Variants in SLC26A6 observed in about 807,000 individuals in gnomAD.
SLC26A6 encodes anion exchange transporter.
SLC26A6 carries 67 observed loss-of-function variants against 87.1 expected under a neutral mutation model. The observed-to-expected ratio is 0.77, with a 90% CI of 0.63 to 0.94. The LOEUF is 0.94. SLC26A6 is among the 40% of genes least tolerant of loss of function. SLC26A6 has a pLI of 0.00. For missense variants in SLC26A6, 902 were observed against 973.0 expected (o/e 0.93, Z 0.97); for synonymous variants, 414 against 405.9 (o/e 1.02, Z -0.24).
chr3:48,631,637 T>G lies in SLC26A6; in HGVS notation c.903+12A>C, dbSNP rs372649412. On this transcript the variant is annotated intron_variant, in intron 7 of 20. Transcript: ENST00000395550. ...CCCTTCTCCCCTGCCCTCCACTCCCTGGCCCTCGAACCGTGAGCAGCTCCC... is the reference window on the plus strand; with the variant it reads ...CCCTTCTCCCCTGCCCTCCACTCCCGGGCCCTCGAACCGTGAGCAGCTCCC... The G allele has an allele frequency of 1.5e-4, 234 of 1,611,214 alleles. No individual in the cohort carries two copies. In the African/African-American group the frequency reaches 3.0e-3, roughly 21 times the overall value.
chr3:48,626,451 T>G, intron 19 of SLC26A6, 97 bp from the exon 20 acceptor site: 1 of 1,570,990 alleles, frequency 6.4e-7, no homozygotes. Flanking sequence ...ACCCCTGACC[T>G]CCACCCCTGA....
rs764876496 is a variant in SLC26A6 at position 48,631,934 on chromosome 3, C to T, written c.696G>A (p.Lys232=). 1 of 1,613,534 alleles carries T rather than the reference C, an allele frequency of 6.2e-7. No homozygotes were observed. Among genetic ancestry groups the T allele is most frequent in the East Asian group, 2.2e-5 (1 of 44,880 alleles). ...AAVQVFVSQL[K]YVFGLHLSSH... is the part of the protein sequence containing the mutation. ...TGCTCAGATGGAGGCCAAACACATA[C>T]TTGAGCTGTGAGACGAAGACCTGCA... Residue 232 remains lysine, a synonymous_variant, in exon 6 of 21, where the codon AAG becomes AAA. Transcript: ENST00000395550.
chr3:48,626,654 T>A lies in SLC26A6; in HGVS notation c.2105A>T (p.Glu702Val). The change falls in exon 19 of 21, where the codon GAG becomes GTG. Residue 702 changes from glutamate (E) to valine (V), a missense_variant. Around this residue, in one of 3 missense-constraint regions of SLC26A6, gnomAD observed 99 missense variants for 100.1 expected, o/e 0.99. Coordinates refer to ENST00000395550, the MANE Select transcript of SLC26A6 (RefSeq NM_022911.3). Reference protein sequence around the residue: ...IFHDFREIEVEVYMAACHSPV... With the variant: ...IFHDFREIEVVVYMAACHSPV... ...ACTGTGGCAGGCCGCCATGTACACC[T>A]CCACCTCAATCTCCCGGAAGTCATG... 1 of 1,614,010 alleles carries A rather than the reference T, an allele frequency of 6.2e-7. No individual in the cohort carries two copies. Among genetic ancestry groups the A allele is most frequent in the Non-Finnish European group, 8.5e-7 (1 of 1,180,004 alleles).
In SLC26A6 at chr3:48,630,643, C is replaced by T. The variant is rs1287607812; in HGVS notation, c.1212G>A (p.Arg404=). The change falls in exon 10 of 21, where the codon CGG becomes CGA. Residue 404 remains arginine, a synonymous_variant. Coordinates refer to ENST00000395550, the MANE Select transcript of SLC26A6 (RefSeq NM_022911.3). ...QCFPVSCSMS[R]SLVQESTGGN... ...CCCCGGTGCTCTCCTGTACCAGGCT[C>T]CGAGACATAGAGCAACTCACGGGGA... 8.2e-6 allele frequency: 13 copies of T among 1,594,884 alleles called. No individual in the cohort carries two copies. Among genetic ancestry groups the T allele is most frequent in the East Asian group, 2.3e-5 (1 of 44,180 alleles).
chr3:48,635,181 G>A (rs1050924987), intron 1 of SLC26A6, among the ~76,000 whole-genome samples, 190 bp downstream of exon 1: 10 of 152,248 alleles, frequency 6.6e-5, no homozygotes, highest in African/African-American at 2.2e-4. Flanking sequence ...ACAGCCCAAG[G>A]GACTGGGGTC....
At position 48,626,288 on chromosome 3, in the gene SLC26A6, A is replaced by G. The variant is rs1161049159; in HGVS notation, c.2195T>C (p.Phe732Ser). 1.2e-6 allele frequency: 2 copies of G among 1,613,968 alleles called. No homozygotes were observed. Among genetic ancestry groups the G allele is most frequent in the East Asian group, 2.2e-5 (1 of 44,866 alleles). The change falls in exon 20 of 21, where the codon TTT (phenylalanine) becomes TCT (serine). Residue 732 changes from phenylalanine (F) to serine (S), a missense_variant. By Grantham distance (155) the Phe-to-Ser change is radical. Coordinates refer to ENST00000395550, the MANE Select transcript of SLC26A6 (RefSeq NM_022911.3). ...FDASITKKHL[F>S]ASVHDAVTFA... ...GGTGACAGCATCATGGACAGAGGCAAAGAGATGCTTCTTGGTGATGGATGC... is the reference window on the plus strand; with the variant it reads ...GGTGACAGCATCATGGACAGAGGCAGAGAGATGCTTCTTGGTGATGGATGC...
intron 1 of SLC26A6, chr3:48,634,659 AG>A: frequency 1.1e-6 from 1 of 909,064 alleles, no homozygotes; most frequent in Middle Eastern, 5.6e-4. Flanking sequence ...AGCTTTCACC[AG>A]TCAGGAAAGT....
Position 48,631,814 on chromosome 3 carries a change from C to T in SLC26A6, c.751-13G>A. The T allele has an allele frequency of 6.2e-7, 1 of 1,613,332 alleles. No individual in the cohort carries two copies. Among genetic ancestry groups the T allele is most frequent in the South Asian group, 1.1e-5 (1 of 91,076 alleles). ...CCTCCAGCACTGTCTGAGGAGAGGC[C>T]AGGTCACAGCTAGCACTCAAGGCCA... On this transcript the variant is annotated splice_polypyrimidine_tract_variant and intron_variant, in intron 6 of 20. Coordinates refer to ENST00000395550, the MANE Select transcript of SLC26A6 (RefSeq NM_022911.3).
rs1404749126 is a variant in SLC26A6, at chr3:48,630,437, C to A, written c.1326+1G>T. The A allele has an allele frequency of 1.3e-6, 2 of 1,555,234 alleles. No individual in the cohort carries two copies. Among genetic ancestry groups the A allele is most frequent in the South Asian group, 1.2e-5 (1 of 84,238 alleles). ...TGAAACCTGGCTGGGTGGGGGCTCA[C>A]CTTGGGCAGGTCATGGAAGAGTTCC... On this transcript the variant is annotated splice_donor_variant, in intron 11 of 20. Transcript: ENST00000395550. LOFTEE classifies it high-confidence loss of function.
chr3:48,628,116 C>T lies in SLC26A6; in HGVS notation c.1801-78G>A. On this transcript the variant is annotated intron_variant, in intron 16 of 20. Transcript: ENST00000395550. The surrounding 1 kb of genome is among the most constrained non-coding windows in gnomAD (Gnocchi z 4.4). ...GCCATGTCACATAGGCCTGGTGATG[C>T]CCCCTGGTGCTGGGCAGGTGGGTGG... The T allele has an allele frequency of 7.4e-7, 1 of 1,345,822 alleles. No individual in the cohort carries two copies. Among genetic ancestry groups the T allele is most frequent in the South Asian group, 1.4e-5 (1 of 70,366 alleles). The allele number at this position is 1,345,822 out of a possible 1,614,324, so 83.4% of individuals were successfully genotyped here. A position where few individuals can be genotyped will look rare whatever the true frequency, so the allele number is the denominator to read the frequency against.
chr3:48,626,264 G>C lies in SLC26A6; in HGVS notation c.2219C>G (p.Thr740Ser). The C allele has an allele frequency of 6.2e-7, 1 of 1,614,098 alleles. No homozygotes were observed. The highest frequency in any genetic ancestry group is 8.5e-7 in the Non-Finnish European group (1 of 1,180,016). Residue 740 changes from threonine to serine, a missense_variant, in exon 20 of 21, where the codon ACC becomes AGC. By Grantham distance (58) the Thr-to-Ser change is moderately conservative. This residue lies in a region of SLC26A6 where 99 missense variants were observed against 100.1 expected (regional missense o/e 0.99). Transcript: ENST00000395550. ...HLFASVHDAV[T>S]FALQHPRPVP... ...AGGCCTCGGGTGTTGGAGGGCAAAGGTGACAGCATCATGGACAGAGGCAAA... is the reference window on the plus strand; with the variant it reads ...AGGCCTCGGGTGTTGGAGGGCAAAGCTGACAGCATCATGGACAGAGGCAAA...
rs1559467925 is a variant in SLC26A6 at position 48,631,014 on chromosome 3, GCCGTGCCTCAGGGCGAAGATCTT to G, written c.1090_1112del (p.Lys364LeufsTer16). On this transcript the variant is annotated frameshift_variant, in exon 9 of 21. Transcript: ENST00000395550. LOFTEE classifies it high-confidence loss of function. Reference sequence around the variant, plus strand: ...AGACCTGGTTGCTGTCCACCCGGTAGCCGTGCCTCAGGGCGAAGATCTTCCCCAGTGAGATGGCAATGGCAAAC... The same window carrying G: ...AGACCTGGTTGCTGTCCACCCGGTAGCCCCAGTGAGATGGCAATGGCAAAC... The G allele has an allele frequency of 6.2e-7, 1 of 1,613,836 alleles. No individual in the cohort carries two copies. Among genetic ancestry groups the G allele is most frequent in the Non-Finnish European group, 8.5e-7 (1 of 1,180,034 alleles).
At chr3:48,631,431 G>A (rs1444022903) in intron 7 of SLC26A6, 125 bp from the exon 8 acceptor site, 8 of 1,192,704 alleles carry the variant, frequency 6.7e-6, no homozygotes, top group African/African-American at 6.2e-5. Flanking sequence ...AAAAAGTCAC[G>A]TAGGGTGAGA....
intron 5 of SLC26A6, 59 bp from the exon 6 acceptor site, chr3:48,632,103 G>A (rs757757019): frequency 4.5e-5 from 72 of 1,603,370 alleles, no homozygotes; most frequent in Non-Finnish European, 4.7e-5. Context: ...CTAATGAGGA[G>A]CGCAGGGCAA....
At position 48,632,906 on chromosome 3, in the gene SLC26A6, C is replaced by T. The variant is rs546435106; in HGVS notation, c.433+68G>A. On this transcript the variant is annotated intron_variant, in intron 4 of 20. Coordinates refer to ENST00000395550, the MANE Select transcript of SLC26A6 (RefSeq NM_022911.3). ...CCAGCCGCTCCTGCCCTGCTCAGTG[C>T]CCCCTCACCCTGCCCTCCATGATGG... 8 of 1,461,542 alleles carry T rather than the reference C, an allele frequency of 5.5e-6. No individual in the cohort carries two copies. In the South Asian group the frequency reaches 5.9e-5, roughly 11 times the overall value. 90.5% of individuals were successfully genotyped at this position (1,461,542 alleles called of 1,614,324 possible).
intron 1 of SLC26A6, chr3:48,634,690 T>C (rs1231456956): frequency 1.0e-6 from 1 of 983,784 alleles, no homozygotes; most frequent in East Asian, 1.1e-4. Flanking sequence ...GGAAAAGCCC[T>C]GACCTGGGGA....
In SLC26A6 at chr3:48,627,971, T is replaced by C. The variant is rs575812571; in HGVS notation, c.1868A>G (p.Asn623Ser). The change falls in exon 17 of 21, where the codon AAC becomes AGC. Residue 623 changes from asparagine to serine, a missense_variant. This residue lies in a region of SLC26A6 where 800 missense variants were observed against 856.8 expected (regional missense o/e 0.93). Coordinates refer to ENST00000395550, the MANE Select transcript of SLC26A6 (RefSeq NM_022911.3). The part of the protein sequence containing the change: ...VNTSLEDMRS[N>S]NVEDCKMMQV... ...CATCATCTTGCAGTCCTCAACGTTG[T>C]TGCTCCTCATGTCTTCAAGGCTGGT... 4.4e-6 allele frequency: 7 copies of C among 1,594,404 alleles called. No individual in the cohort carries two copies. In the South Asian group the frequency reaches 6.9e-5, roughly 16 times the overall value.
intron 17 of SLC26A6, chr3:48,627,495 C>T (rs1185277027): frequency 4.3e-5 from 8 of 187,076 alleles, no homozygotes; most frequent in South Asian, 1.4e-4. Context: ...GACGGGGTCT[C>T]GCTTCATTGC....
Position 48,633,256 on chromosome 3 carries a change from G to A in SLC26A6, c.317C>T (p.Pro106Leu), listed in dbSNP as rs760266567. 6.8e-6 allele frequency: 11 copies of A among 1,612,580 alleles called. No homozygotes were observed. The highest frequency in any genetic ancestry group is 1.7e-5 in the Admixed American group (1 of 59,850). ...SGLSVAIMQL[P>L]QGLAYALLAG... ...ACGCACTGAAGGTGGCTCACCCTGC[G>A]GAAGCTGCATGATGGCCACACTCAG... Residue 106 changes from proline to leucine, a missense_variant, in exon 3 of 21, where the codon CCG becomes CTG. Physicochemically the swap from Pro to Leu is moderately conservative, Grantham distance 98 (BLOSUM62 -3). Coordinates refer to ENST00000395550, the MANE Select transcript of SLC26A6 (RefSeq NM_022911.3).
Sources: gnomAD v4.1 joint callset for allele counts (sites outside exome capture counted in the v4.1 genomes callset) on GRCh38, gnomAD v4.1.1 for gene constraint, gnomAD v4.1.1 regional missense constraint, Gnocchi (gnomAD v3.1) non-coding constraint, MANE v1.5 for transcripts, NCBI Gene and HGNC (gene_info 2026-07-23, HGNC 2026-07-21) for gene names.